The following C8orf34 variants were observed in gnomAD, a reference collection of about 807,000 sequenced individuals.
C8orf34 encodes the protein uncharacterized protein C8orf34.
Under a neutral mutation model 68.3 loss-of-function variants are expected in C8orf34, and 65 were observed. The observed-to-expected ratio is 0.95, with a 90% CI of 0.78 to 1.17. The LOEUF (loss-of-function observed/expected upper bound fraction) is 1.17, where lower values mean the gene tolerates loss of function less well. C8orf34 is among the 50% of genes most tolerant of loss of function. The pLI is 0.00. For synonymous variants in C8orf34, 244 were observed against 241.2 expected, an observed-to-expected ratio of 1.01 and a Z score of -0.11; for missense variants, 664 against 655.4, an observed-to-expected ratio of 1.01 and a Z score of -0.14.
intron 4 of C8orf34, among the ~76,000 whole-genome samples, chr8:68,479,675 G>C (rs1038620900): frequency 1.5e-4 from 23 of 152,148 alleles, no homozygotes; most frequent in African/African-American, 5.6e-4. Flanking sequence ...TGAAGGGTCA[G>C]GAAGTCCAGG....
intron 10 of C8orf34, among the ~76,000 whole-genome samples, chr8:68,762,825 T>G (rs1823058120): frequency 6.6e-6 from 1 of 152,186 alleles, no homozygotes; most frequent in African/African-American, 2.4e-5. Flanking sequence ...ACAGAGAAAT[T>G]TCTTCCTATA....
intron 7 of C8orf34, among the ~76,000 whole-genome samples, chr8:68,619,133 G>C (rs1191115773): frequency 6.6e-6 from 1 of 152,016 alleles, no homozygotes; most frequent in African/African-American, 2.4e-5. Context: ...TTTGAGACCA[G>C]CCTGGGCAAC....
At chr8:68,814,377 T>C (rs1376591008) in intron 12 of C8orf34, among the ~76,000 whole-genome samples, 1 of 152,208 alleles carries the variant, frequency 6.6e-6, no homozygotes, top group Non-Finnish European at 1.5e-5. Flanking sequence ...ACCACTCCCT[T>C]GCCAGCACCT....
At chr8:68,357,636 G>A (rs1176041372) in intron 1 of C8orf34, among the ~76,000 whole-genome samples, 1 of 152,146 alleles carries the variant, frequency 6.6e-6, no homozygotes, top group African/African-American at 2.4e-5. Flanking sequence ...TATCTATTCT[G>A]CATAAGGCTG....
intron 3 of C8orf34, among the ~76,000 whole-genome samples, chr8:68,467,790 G>T (rs1419573941): frequency 2.0e-5 from 3 of 151,920 alleles, no homozygotes; most frequent in African/African-American, 7.2e-5. Flanking sequence ...TCTATAGTTG[G>T]AATTTAGAAG....
chr8:68,627,289 TCTC>T (rs1818564788), intron 7 of C8orf34, among the ~76,000 whole-genome samples: 1 of 152,180 alleles, frequency 6.6e-6, no homozygotes, highest in African/African-American at 2.4e-5. Flanking sequence ...TCCATGGCCT[TCTC>T]CTACTGCCCC....
At chr8:68,702,845 T>G (rs1585752854) in intron 8 of C8orf34, among the ~76,000 whole-genome samples, 1 of 152,238 alleles carries the variant, frequency 6.6e-6, no homozygotes, top group East Asian at 1.9e-4. Context: ...TTACTGTTTG[T>G]ATTATTTAAA....
intron 12 of C8orf34, chr8:68,791,238 G>A: frequency 2.9e-6 from 1 of 339,216 alleles, no homozygotes; most frequent in South Asian, 1.1e-4. Flanking sequence ...AAAAGGAGAA[G>A]CAAGCACTTT....
intron 8 of C8orf34, among the ~76,000 whole-genome samples, chr8:68,670,862 C>T (rs1368835349): frequency 6.6e-6 from 1 of 152,216 alleles, no homozygotes; most frequent in Non-Finnish European, 1.5e-5. Flanking sequence ...GCCCCTAAGG[C>T]ACTAATACTT....
chr8:68,696,722 C>T (rs1197340501), intron 8 of C8orf34, among the ~76,000 whole-genome samples: 1 of 152,080 alleles, frequency 6.6e-6, no homozygotes, highest in African/African-American at 2.4e-5. Flanking sequence ...AGTTCTACAT[C>T]ATTTACTTTT....
chr8:68,399,421 T>C (rs1462418533), intron 1 of C8orf34, among the ~76,000 whole-genome samples: 1 of 152,160 alleles, frequency 6.6e-6, no homozygotes, highest in Non-Finnish European at 1.5e-5. Context: ...TATTTCTCTT[T>C]CTGTTTCTGA....
intron 7 of C8orf34, among the ~76,000 whole-genome samples, chr8:68,631,168 A>G (rs1380893797): frequency 6.6e-6 from 1 of 151,914 alleles, no homozygotes; most frequent in East Asian, 1.9e-4. Context: ...AGGCTGAGGC[A>G]GGAGAATCAC....
At chr8:68,793,550 A>T (rs1824075120) in intron 12 of C8orf34, among the ~76,000 whole-genome samples, 1 of 147,346 alleles carries the variant, frequency 6.8e-6, no homozygotes, top group South Asian at 2.3e-4. Context: ...TATCCTCAGC[A>T]AACCAACGCA....
chr8:68,669,907 C>G (rs896232463), intron 8 of C8orf34, among the ~76,000 whole-genome samples: 1 of 152,076 alleles, frequency 6.6e-6, no homozygotes, highest in Non-Finnish European at 1.5e-5. Context: ...AATAATTGAC[C>G]AAATGTTTTT....
chr8:68,772,384 T>C (rs557570746), intron 10 of C8orf34, among the ~76,000 whole-genome samples: 64 of 152,154 alleles, frequency 4.2e-4, no homozygotes, highest in Non-Finnish European at 7.1e-4. Context: ...TTGAGGACAG[T>C]GTGGTTCTAG....
intron 1 of C8orf34, among the ~76,000 whole-genome samples, chr8:68,345,699 A>G (rs992120157): frequency 2.0e-5 from 3 of 152,004 alleles, no homozygotes; most frequent in Non-Finnish European, 4.4e-5. Flanking sequence ...ACATATATAT[A>G]CATATATACA....
At chr8:68,725,359 T>C (rs973481519) in intron 10 of C8orf34, among the ~76,000 whole-genome samples, 8 of 152,200 alleles carry the variant, frequency 5.3e-5, no homozygotes, top group Non-Finnish European at 4.4e-5. Flanking sequence ...TAAGATTTTA[T>C]GTAACTGGTC....
chr8:68,610,922 T>C (rs1293286820), intron 7 of C8orf34, among the ~76,000 whole-genome samples: 1 of 146,016 alleles, frequency 6.8e-6, no homozygotes, highest in Non-Finnish European at 1.5e-5. Flanking sequence ...TGGAGTGCAA[T>C]GGTGCTATCT....
intron 8 of C8orf34, among the ~76,000 whole-genome samples, chr8:68,677,144 A>G (rs937962758): frequency 6.6e-6 from 1 of 152,216 alleles, no homozygotes; most frequent in Non-Finnish European, 1.5e-5. Context: ...CTATACAAAC[A>G]CATGAAAATT....
Sources: allele counts gnomAD v4.1 joint callset (sites outside exome capture counted in the v4.1 genomes callset), GRCh38; gene constraint gnomAD v4.1.1; transcripts MANE v1.5; gene names NCBI Gene and HGNC (gene_info 2026-07-23, HGNC 2026-07-21).